Variants in COASY observed in about 807,000 individuals in gnomAD.
COASY encodes the protein bifunctional coenzyme A synthase.
A neutral mutation model predicts 49.4 loss-of-function variants in COASY; 31 were observed. The observed-to-expected ratio is 0.63, with a 90% CI of 0.47 to 0.85. COASY has a LOEUF of 0.85. COASY is among the 40% of genes least tolerant of loss of function. The pLI, the probability that COASY is intolerant of heterozygous loss-of-function variation, is 0.00. For missense variants in COASY, 730 were observed against 734.1 expected, an observed-to-expected ratio of 0.99 and a Z score of 0.06; for synonymous variants, 285 against 310.9, an observed-to-expected ratio of 0.92 and a Z score of 0.88.
At position 42,565,207 on chromosome 17, in the gene COASY, C is replaced by T. The variant is rs747872751; in HGVS notation, c.1303-20C>T. On this transcript the variant is annotated intron_variant, in intron 5 of 8. Coordinates refer to ENST00000393818, the MANE Select transcript of COASY (RefSeq NM_025233.7). ...CCTCTTCTAGAGAAGGTAACCTCTG[C>T]CCTCTGTTCCCCTCCCCAGAAGCAG... The T allele has an allele frequency of 6.8e-6, 11 of 1,612,734 alleles. No homozygotes were observed. Among genetic ancestry groups the T allele is most frequent in the Admixed American group, 1.7e-5 (1 of 60,024 alleles).
At chr17:42,564,376 GCAGGTTGGATGT>G (rs1395504968) in intron 2 of COASY, 58 bp from the exon 3 acceptor site, 1 of 1,603,142 alleles carries the variant, frequency 6.2e-7, no homozygotes, top group Admixed American at 1.7e-5. Flanking sequence ...GGATGGGGGG[GCAGGTTGGATGT>G]CAGGGTCTTC....
chr17:42,563,238 G>T lies in COASY; in HGVS notation c.616G>T (p.Ala206Ser), dbSNP rs1224711815. Residue 206 changes from alanine to serine, a missense_variant, in exon 1 of 9, where the codon GCC becomes TCC. Transcript: ENST00000393818. Reference sequence around the variant, plus strand: ...TGGCACGTTTGACCGCCTGCACAACGCCCACAAGGTGTTGCTCAGTGTCGC... The same window carrying T: ...TGGCACGTTTGACCGCCTGCACAACTCCCACAAGGTGTTGCTCAGTGTCGC... ...VGGTFDRLHN[A>S]HKVLLSVACI... 3.1e-6 allele frequency: 5 copies of T among 1,613,060 alleles called. No homozygotes were observed. Among genetic ancestry groups the T allele is most frequent in the Admixed American group, 3.3e-5 (2 of 60,008 alleles).
At chr17:42,565,853 G>C (rs1175910741) in intron 8 of COASY, 48 bp downstream of exon 8, 1 of 1,613,832 alleles carries the variant, frequency 6.2e-7, no homozygotes, top group African/African-American at 1.3e-5. Context: ...GTCTCCAGTG[G>C]GTACTGCCTG....
intron 3 of COASY, 50 bp downstream of exon 3, chr17:42,564,627 GAGAGT>G (rs781238220): frequency 1.9e-6 from 3 of 1,571,418 alleles, no homozygotes; most frequent in Non-Finnish European, 2.6e-6. Context: ...GGCAATGCTG[GAGAGT>G]AGAAGCTGAG....
intron 1 of COASY, 51 bp downstream of exon 1, chr17:42,563,373 C>G (rs1313825867): frequency 6.9e-7 from 1 of 1,446,314 alleles, no homozygotes; most frequent in Non-Finnish European, 9.2e-7. Context: ...AATCTCCCCA[C>G]CCCCGACCCT....
Position 42,565,660 on chromosome 17 carries a change from C to G in COASY, c.1487C>G (p.Ala496Gly), listed in dbSNP as rs764627382. 2 of 1,614,044 alleles carry G rather than the reference C, an allele frequency of 1.2e-6. No homozygotes were observed. The highest frequency in any genetic ancestry group is 1.7e-6 in the Non-Finnish European group (2 of 1,180,048). ...VWTAVIPETEAVRRIVERDGL... is the reference protein window; with the variant it reads ...VWTAVIPETEGVRRIVERDGL... Reference sequence around the variant, plus strand: ...GACAAATGTCTCGTCTGTGCTCAGGCTGTAAGACGCATTGTGGAGAGGGAT... The same window carrying G: ...GACAAATGTCTCGTCTGTGCTCAGGGTGTAAGACGCATTGTGGAGAGGGAT... The change falls in exon 8 of 9, where the codon GCT becomes GGT. Residue 496 changes from alanine (A) to glycine (G), a missense_variant and splice_region_variant. Ala to Gly is a moderately conservative substitution (Grantham distance 60). Coordinates refer to ENST00000393818, the MANE Select transcript of COASY (RefSeq NM_025233.7).
intron 1 of COASY, chr17:42,563,635 TG>T: frequency 1.9e-6 from 1 of 513,646 alleles, no homozygotes; most frequent in Non-Finnish European, 3.4e-6. Flanking sequence ...CAGGTAGCAG[TG>T]CCACAGACAG....
Position 42,563,245 on chromosome 17 carries a change from A to G in COASY, c.623A>G (p.Lys208Arg), listed in dbSNP as rs2143199074. The G allele has an allele frequency of 1.9e-6, 3 of 1,613,044 alleles. No individual in the cohort carries two copies. The highest frequency in any genetic ancestry group is 1.3e-5 in the African/African-American group (1 of 75,048). ...TTTGACCGCCTGCACAACGCCCACA[A>G]GGTGTTGCTCAGTGTCGCGTGCATC... ...GTFDRLHNAH[K>R]VLLSVACILA... The change falls in exon 1 of 9, where the codon AAG becomes AGG. Residue 208 changes from lysine (K) to arginine (R), a missense_variant. Lys to Arg is a conservative substitution (Grantham distance 26). Transcript: ENST00000393818.
At position 42,563,233 on chromosome 17, in the gene COASY, A is replaced by T. The variant is rs1439795272; in HGVS notation, c.611A>T (p.His204Leu). The stretch of plus-strand genomic sequence containing the variant: ...GTCGGTGGCACGTTTGACCGCCTGC[A>T]CAACGCCCACAAGGTGTTGCTCAGT... ...GAVGGTFDRL[H>L]NAHKVLLSVA... The change falls in exon 1 of 9, where the codon CAC (histidine) becomes CTC (leucine). Residue 204 changes from histidine (H) to leucine (L), a missense_variant. By Grantham distance (99) the His-to-Leu change is moderately conservative. Transcript: ENST00000393818. 1.2e-6 allele frequency: 2 copies of T among 1,613,286 alleles called. No individual in the cohort carries two copies.
In COASY at chr17:42,562,967, G is replaced by C; in HGVS notation, c.345G>C (p.Leu115Phe). 1 of 1,614,066 alleles carries C rather than the reference G, an allele frequency of 6.2e-7. No homozygotes were observed. Among genetic ancestry groups the C allele is most frequent in the Non-Finnish European group, 8.5e-7 (1 of 1,179,946 alleles). The change falls in exon 1 of 9, where the codon TTG (leucine) becomes TTC (phenylalanine). Residue 115 changes from leucine to phenylalanine, a missense_variant. Physicochemically the swap from Leu to Phe is conservative, Grantham distance 22 (BLOSUM62 0). Transcript: ENST00000393818. ...QNLAHPPEVV[L>F]TDFQTLDGSQ... ...TCGCCCACCCGCCAGAAGTCGTGTT[G>C]ACAGATTTCCAGACCCTGGATGGAA...
In COASY at chr17:42,563,133, C is replaced by G. The variant is rs752294499; in HGVS notation, c.511C>G (p.Pro171Ala). 6.2e-7 allele frequency: 1 copy of G among 1,613,914 alleles called. No homozygotes were observed. Among genetic ancestry groups the G allele is most frequent in the East Asian group, 2.2e-5 (1 of 44,876 alleles). ...CGTGGAGCCCCTGGATGTCCCCTTA[C>G]CCTCCACGATCAGGCCAGCTTCCCC... ...VPVEPLDVPL[P>A]STIRPASPVA... Residue 171 changes from proline (P) to alanine (A), a missense_variant, in exon 1 of 9, where the codon CCC (proline) becomes GCC (alanine). By Grantham distance (27) the Pro-to-Ala change is conservative. Coordinates refer to ENST00000393818, the MANE Select transcript of COASY (RefSeq NM_025233.7).
chr17:42,564,905 A>G lies in COASY; in HGVS notation c.1237+7A>G. ...GTGGAGGCCTTTGGAACAGGTAATA[A>G]CTGGGGAAGGCTGAAAGTGGCCTGG... On this transcript the variant is annotated splice_region_variant and intron_variant, in intron 4 of 8. Coordinates refer to ENST00000393818, the MANE Select transcript of COASY (RefSeq NM_025233.7). 1 of 1,613,532 alleles carries G rather than the reference A, an allele frequency of 6.2e-7. No homozygotes were observed. Among genetic ancestry groups the G allele is most frequent in the Non-Finnish European group, 8.5e-7 (1 of 1,179,604 alleles).
rs769005486 is a variant in COASY at position 42,563,056 on chromosome 17, C to T, written c.434C>T (p.Pro145Leu). ...RYATSCYSCC[P>L]RLASVLLYSD... is the part of the protein sequence containing the mutation. ...GCCACCAGCTGTTACAGCTGTTGTC[C>T]GCGACTGGCCTCGGTGCTGCTATAC... Residue 145 changes from proline to leucine, a missense_variant, in exon 1 of 9, where the codon CCG (proline) becomes CTG (leucine). Coordinates refer to ENST00000393818, the MANE Select transcript of COASY (RefSeq NM_025233.7). The T allele has an allele frequency of 4.3e-6, 7 of 1,613,998 alleles. No individual in the cohort carries two copies. In the Admixed American group the frequency reaches 1.0e-4, roughly 23 times the overall value.
chr17:42,565,224 C>T lies in COASY; in HGVS notation c.1303-3C>T. 2.5e-6 allele frequency: 4 copies of T among 1,614,052 alleles called. No homozygotes were observed. Among genetic ancestry groups the T allele is most frequent in the African/African-American group, 1.3e-5 (1 of 75,044 alleles). ...AACCTCTGCCCTCTGTTCCCCTCCC[C>T]AGAAGCAGCTGAAGATACTCACGGA... On this transcript the variant is annotated splice_region_variant and splice_polypyrimidine_tract_variant and intron_variant, in intron 5 of 8. Coordinates refer to ENST00000393818, the MANE Select transcript of COASY (RefSeq NM_025233.7).
rs1301631523 is a variant in COASY at position 42,565,303 on chromosome 17, T to C, written c.1379T>C (p.Val460Ala). 6.2e-7 allele frequency: 1 copy of C among 1,614,154 alleles called. No individual in the cohort carries two copies. Among genetic ancestry groups the C allele is most frequent in the Admixed American group, 1.7e-5 (1 of 60,020 alleles). The change falls in exon 6 of 9, where the codon GTG (valine) becomes GCG (alanine). Residue 460 changes from valine to alanine, a missense_variant. By Grantham distance (64) the Val-to-Ala change is moderately conservative (BLOSUM62 0). Transcript: ENST00000393818. ...KLAREEMDRAVAEGKRVCVID... is the reference protein window; with the variant it reads ...KLAREEMDRAAAEGKRVCVID... The stretch of plus-strand genomic sequence containing the variant: ...GCCCGAGAGGAGATGGATCGGGCTG[T>C]GGCTGAGGGTGAGTGGGAGGGAGGA...
Position 42,562,979 on chromosome 17 carries a change from G to C in COASY, c.357G>C (p.Gln119His). ...CAGAAGTCGTGTTGACAGATTTCCA[G>C]ACCCTGGATGGAAGCCAGTACAACC... ...HPPEVVLTDFQTLDGSQYNPV... is the reference protein window; with the variant it reads ...HPPEVVLTDFHTLDGSQYNPV... The change falls in exon 1 of 9, where the codon CAG becomes CAC. Residue 119 changes from glutamine to histidine, a missense_variant. Physicochemically the swap from Gln to His is conservative, Grantham distance 24 (BLOSUM62 0). Transcript: ENST00000393818. 6.2e-7 allele frequency: 1 copy of C among 1,614,094 alleles called. No individual in the cohort carries two copies. Among genetic ancestry groups the C allele is most frequent in the African/African-American group, 1.3e-5 (1 of 75,028 alleles).
chr17:42,562,281 A>C lies in COASY; in HGVS notation c.-342A>C. 2.6e-6 allele frequency: 2 copies of C among 762,354 alleles called. No homozygotes were observed. The highest frequency in any genetic ancestry group is 4.4e-6 in the Non-Finnish European group (2 of 456,962). The allele number at this position is 762,354 out of a possible 1,614,324, so 47.2% of individuals were successfully genotyped here. A position where few individuals can be genotyped will look rare whatever the true frequency, so the allele number is the denominator to read the frequency against. ...TTTAGCCTCCCTCTTCGATTCCTTG[A>C]AGACCCTGGTGCAGCTTAGCAAGAG... On this transcript the variant is annotated 5_prime_UTR_variant, in exon 1 of 9. Transcript: ENST00000393818.
Position 42,563,059 on chromosome 17 carries a change from G to A in COASY, c.437G>A (p.Arg146Gln), listed in dbSNP as rs2092984887. Residue 146 changes from arginine (R) to glutamine (Q), a missense_variant, in exon 1 of 9, where the codon CGA (arginine) becomes CAA (glutamine). Physicochemically the swap from Arg to Gln is conservative, Grantham distance 43 (BLOSUM62 1). Coordinates refer to ENST00000393818, the MANE Select transcript of COASY (RefSeq NM_025233.7). ...YATSCYSCCP[R>Q]LASVLLYSDY... ...ACCAGCTGTTACAGCTGTTGTCCGC[G>A]ACTGGCCTCGGTGCTGCTATACTCC... 7 of 1,614,050 alleles carry A rather than the reference G, an allele frequency of 4.3e-6. No individual in the cohort carries two copies. The highest frequency in any genetic ancestry group is 5.9e-6 in the Non-Finnish European group (7 of 1,180,044).
rs752442631 is a variant in COASY, at chr17:42,562,485, T to A, written c.-138T>A. The stretch of plus-strand genomic sequence containing the variant: ...GCCCCGTCCCCTCCCCCGGCTCCTG[T>A]CGGTCAGCACTGAAACCCCGTCCCT... On this transcript the variant is annotated 5_prime_UTR_variant, in exon 1 of 9. Transcript: ENST00000393818. 1 of 1,613,658 alleles carries A rather than the reference T, an allele frequency of 6.2e-7. No individual in the cohort carries two copies. The highest frequency in any genetic ancestry group is 8.5e-7 in the Non-Finnish European group (1 of 1,179,812).
Sources: gnomAD v4.1 joint callset for allele counts on GRCh38, gnomAD v4.1.1 for gene constraint, MANE v1.5 for transcripts, NCBI Gene and HGNC (gene_info 2026-07-23, HGNC 2026-07-21) for gene names.